PKIA: variants seen among roughly 807,000 people sequenced by gnomAD.
PKIA encodes cAMP-dependent protein kinase inhibitor alpha.
A neutral mutation model predicts 7.6 loss-of-function variants in PKIA; 4 were observed. That is an observed-to-expected ratio of 0.52 (90% confidence interval 0.26 to 1.20). PKIA has a LOEUF of 1.20. Among genes scored for constraint, PKIA ranks in the 50% most tolerant of loss-of-function variants. PKIA has a pLI of 0.13. For synonymous variants in PKIA, 21 were observed against 30.7 expected, an observed-to-expected ratio of 0.68 and a Z score of 1.04; for missense variants, 73 against 86.2, an observed-to-expected ratio of 0.85 and a Z score of 0.61.
At chr8:78,535,886 G>C (rs1014872802) in intron 1 of PKIA, 2 of 152,022 alleles carry the variant, frequency 1.3e-5, no homozygotes, top group African/African-American at 2.4e-5. Context: ...GGTATCTGCG[G>C]GTTTTGATAC....
intron 1 of PKIA, among the ~76,000 whole-genome samples, chr8:78,551,086 T>C (rs1485927507): frequency 1.3e-5 from 2 of 150,310 alleles, no homozygotes; most frequent in African/African-American, 4.9e-5. Context: ...CCTCACCTCA[T>C]AGTAATTCAA....
At chr8:78,562,502 C>G (rs1284322875) in intron 1 of PKIA, among the ~76,000 whole-genome samples, 3 of 152,106 alleles carry the variant, frequency 2.0e-5, no homozygotes, top group Non-Finnish European at 4.4e-5. Context: ...TGCTCTGGCC[C>G]CCTTCAGTAT....
intron 1 of PKIA, among the ~76,000 whole-genome samples, chr8:78,555,682 T>A (rs1807115081): frequency 6.6e-6 from 1 of 152,032 alleles, no homozygotes. Flanking sequence ...GCCTTGGTGT[T>A]GGTGAATGCA....
intron 1 of PKIA, among the ~76,000 whole-genome samples, chr8:78,568,613 C>T (rs973017868): frequency 6.6e-6 from 1 of 152,098 alleles, no homozygotes; most frequent in African/African-American, 2.4e-5. Context: ...AATGACCTGG[C>T]AATGAGTTCC....
At chr8:78,588,015 T>C (rs545830486) in intron 2 of PKIA, among the ~76,000 whole-genome samples, 10 of 152,312 alleles carry the variant, frequency 6.6e-5, no homozygotes, top group Non-Finnish European at 7.3e-5. Context: ...TACAAAACTC[T>C]GTGCCATACA....
chr8:78,544,956 A>T (rs1337037737), intron 1 of PKIA, among the ~76,000 whole-genome samples: 7 of 152,170 alleles, frequency 4.6e-5, no homozygotes, highest in Non-Finnish European at 1.0e-4. Context: ...AATATGGATT[A>T]TATCCATTAT....
At chr8:78,565,693 G>GT (rs921660194) in intron 1 of PKIA, among the ~76,000 whole-genome samples, 25 of 150,642 alleles carry the variant, frequency 1.7e-4, no homozygotes, top group South Asian at 6.3e-4. Context: ...AGTAATTAGG[G>GT]TTTTTTTTTA....
chr8:78,539,141 G>A (rs1310236986), intron 1 of PKIA, among the ~76,000 whole-genome samples: 1 of 152,024 alleles, frequency 6.6e-6, no homozygotes, highest in Non-Finnish European at 1.5e-5. Flanking sequence ...AAAGGTTGAT[G>A]AGATCCAATT....
At chr8:78,545,695 T>A (rs1270693679) in intron 1 of PKIA, among the ~76,000 whole-genome samples, 1 of 152,180 alleles carries the variant, frequency 6.6e-6, no homozygotes, top group Non-Finnish European at 1.5e-5. Flanking sequence ...TGGGTTTTCT[T>A]GTCAAGGGAG....
In PKIA at chr8:78,602,818, A is replaced by G. The variant is rs148672708; in HGVS notation, c.*997A>G. ...GTTCTATGGAATCAAATTTCTCACA[A>G]TGCTGTATGATACTATTTAAATTTG... On this transcript the variant is annotated 3_prime_UTR_variant, in exon 4 of 4. Coordinates refer to ENST00000396418, the MANE Select transcript of PKIA (RefSeq NM_006823.4). 1,515 of 152,176 alleles carry G rather than the reference A, an allele frequency of 1.0e-2. 12 individuals carry two copies. Among genetic ancestry groups the G allele is most frequent in the Non-Finnish European group, 0.016 (1,078 of 67,878 alleles). 9.4% of individuals were successfully genotyped at this position (152,176 alleles called of 1,614,324 possible). A position where few individuals can be genotyped will look rare whatever the true frequency, so the allele number is the denominator to read the frequency against.
intron 1 of PKIA, among the ~76,000 whole-genome samples, chr8:78,529,380 A>G (rs941534401): frequency 6.6e-6 from 1 of 152,098 alleles, no homozygotes; most frequent in East Asian, 1.9e-4. Flanking sequence ...ATAGTATTTA[A>G]TCAGATTTTC....
intron 1 of PKIA, among the ~76,000 whole-genome samples, chr8:78,569,580 A>G (rs888721193): frequency 6.6e-6 from 1 of 152,150 alleles, no homozygotes; most frequent in Non-Finnish European, 1.5e-5. Context: ...ACTACTCATA[A>G]TGTTCACAAT....
chr8:78,556,834 C>T (rs887678083), intron 1 of PKIA, among the ~76,000 whole-genome samples: 2 of 152,020 alleles, frequency 1.3e-5, no homozygotes, highest in Non-Finnish European at 2.9e-5. Flanking sequence ...CATCTTTATC[C>T]TTTCATAAAC....
chr8:78,565,564 G>T (rs1298600997), intron 1 of PKIA, among the ~76,000 whole-genome samples: 1 of 151,916 alleles, frequency 6.6e-6, no homozygotes, highest in Non-Finnish European at 1.5e-5. Context: ...TATTTGCATA[G>T]TTAGAAGCTC....
intron 2 of PKIA, among the ~76,000 whole-genome samples, chr8:78,583,451 T>A (rs963101867): frequency 5.3e-5 from 8 of 152,140 alleles, no homozygotes; most frequent in Non-Finnish European, 8.8e-5. Context: ...CTATGCCTCA[T>A]CCCTCTTGCT....
chr8:78,560,276 A>G (rs545005612), intron 1 of PKIA, among the ~76,000 whole-genome samples: 1 of 152,336 alleles, frequency 6.6e-6, no homozygotes, highest in African/African-American at 2.4e-5. Flanking sequence ...ATTTATTTTC[A>G]TTCTAAATTT....
intron 2 of PKIA, among the ~76,000 whole-genome samples, chr8:78,586,785 A>C (rs1807958618): frequency 6.6e-6 from 1 of 152,174 alleles, no homozygotes; most frequent in African/African-American, 2.4e-5. Flanking sequence ...CAAACATTGG[A>C]AAATGGTAAC....
At chr8:78,599,027 T>C (rs1295372206) in intron 3 of PKIA, among the ~76,000 whole-genome samples, 1 of 152,080 alleles carries the variant, frequency 6.6e-6, no homozygotes, top group East Asian at 1.9e-4. Flanking sequence ...TCTGTTACAT[T>C]AGTAACTCTT....
rs908342974 is a variant in PKIA at position 78,604,077 on chromosome 8, C to A, written c.*2256C>A. The A allele has an allele frequency of 6.6e-6, 1 of 151,950 alleles. No individual in the cohort carries two copies. Among genetic ancestry groups the A allele is most frequent in the Non-Finnish European group, 1.5e-5 (1 of 67,954 alleles). 9.4% of individuals were successfully genotyped at this position (151,950 alleles called of 1,614,324 possible). A position where few individuals can be genotyped will look rare whatever the true frequency, so the allele number is the denominator to read the frequency against. On this transcript the variant is annotated 3_prime_UTR_variant, in exon 4 of 4. Transcript: ENST00000396418. Reference sequence around the variant, plus strand: ...TCCTATACATTTTGCTTATTCATGGCATCTTTCAAATTTTATTTTAGTTTC... The same window carrying A: ...TCCTATACATTTTGCTTATTCATGGAATCTTTCAAATTTTATTTTAGTTTC...
Sources: gnomAD v4.1 joint callset for allele counts (sites outside exome capture counted in the v4.1 genomes callset) on GRCh38, gnomAD v4.1.1 for gene constraint, MANE v1.5 for transcripts, NCBI Gene and HGNC (gene_info 2026-07-23, HGNC 2026-07-21) for gene names.